NEDD1: variants seen among roughly 807,000 people sequenced by gnomAD.
NEDD1 encodes the protein protein NEDD1.
A neutral mutation model predicts 74.0 loss-of-function variants in NEDD1; 33 were observed. The ratio of observed to expected loss-of-function variants is 0.45; its 90% CI spans 0.34 to 0.60. NEDD1 has a LOEUF of 0.60. Ranked by LOEUF, NEDD1 falls within the 20% of genes least tolerant of loss-of-function variation. NEDD1 has a pLI of 0.01. For missense variants in NEDD1, 746 were observed against 776.5 expected, an observed-to-expected ratio of 0.96 and a Z score of 0.47; for synonymous variants, 250 against 264.4, an observed-to-expected ratio of 0.95 and a Z score of 0.53.
chr12:96,917,537 T>C (rs963078947), intron 4 of NEDD1, 84 bp from the exon 5 acceptor site: 3 of 1,365,538 alleles, frequency 2.2e-6, no homozygotes, highest in African/African-American at 3.0e-5. Flanking sequence ...ATTTATCATA[T>C]GCTTACTAAG....
In NEDD1 at chr12:96,936,725, A is replaced by G. The variant is rs371278745; in HGVS notation, c.834A>G (p.Arg278=). Residue 278 remains arginine, a synonymous_variant, in exon 8 of 16, where the codon AGA becomes AGG. Coordinates refer to ENST00000266742, the MANE Select transcript of NEDD1 (RefSeq NM_152905.4). ...SRGKIYQYDL[R]MLKSPVKTIS... Reference sequence around the variant, plus strand: ...GGAAAATATATCAATATGATTTAAGAATGTTGAAATCACCAGTTAAGACCA... The same window carrying G: ...GGAAAATATATCAATATGATTTAAGGATGTTGAAATCACCAGTTAAGACCA... The G allele has an allele frequency of 4.9e-5, 79 of 1,612,342 alleles. No homozygotes were observed. The African/African-American group carries it at 9.9e-4, about 20-fold the overall frequency.
chr12:96,952,999 G>T lies in NEDD1; in HGVS notation c.*946G>T, dbSNP rs1362950331. ...ATTGGCCTTACCATAAAATTATTTAGAAAGGTTGTCAAAATAAGTTATACC... is the reference window on the plus strand; with the variant it reads ...ATTGGCCTTACCATAAAATTATTTATAAAGGTTGTCAAAATAAGTTATACC... On this transcript the variant is annotated 3_prime_UTR_variant, in exon 16 of 16. Transcript: ENST00000266742. 1 of 151,014 alleles carries T rather than the reference G, an allele frequency of 6.6e-6. No homozygotes were observed. The highest frequency in any genetic ancestry group is 2.4e-5 in the African/African-American group (1 of 41,224). 9.4% of individuals were successfully genotyped at this position (151,014 alleles called of 1,614,324 possible). A position where few individuals can be genotyped will look rare whatever the true frequency, so the allele number is the denominator to read the frequency against.
intron 6 of NEDD1, among the ~76,000 whole-genome samples, chr12:96,923,098 CAG>C (rs911454497): frequency 6.6e-6 from 1 of 151,258 alleles, no homozygotes; most frequent in African/African-American, 2.4e-5. Flanking sequence ...GCCTCAGTGA[CAG>C]AGTGAGACCC....
At chr12:96,942,004 A>G (rs1161832084) in intron 10 of NEDD1, among the ~76,000 whole-genome samples, 1 of 152,066 alleles carries the variant, frequency 6.6e-6, no homozygotes, top group Non-Finnish European at 1.5e-5. Flanking sequence ...TTTTTAATTC[A>G]CCTGTTAAAT....
At chr12:96,920,999 T>G (rs1200295723) in intron 6 of NEDD1, among the ~76,000 whole-genome samples, 1 of 152,074 alleles carries the variant, frequency 6.6e-6, no homozygotes, top group Non-Finnish European at 1.5e-5. Flanking sequence ...TATAAAACAG[T>G]CTTATGGTGA....
At chr12:96,918,168 G>GTT (rs935048588) in intron 5 of NEDD1, among the ~76,000 whole-genome samples, 10 of 145,330 alleles carry the variant, frequency 6.9e-5, no homozygotes, top group Admixed American at 3.4e-4. Flanking sequence ...TCTTGTTTGT[G>GTT]TTTTTTTTTT....
At chr12:96,914,757 T>C (rs984197139) in intron 4 of NEDD1, among the ~76,000 whole-genome samples, 2 of 152,224 alleles carry the variant, frequency 1.3e-5, no homozygotes, top group South Asian at 4.1e-4. Context: ...TAAAGTAGAA[T>C]GTACCTTTGC....
chr12:96,944,451 A>G (rs1877987463), intron 12 of NEDD1, among the ~76,000 whole-genome samples, 188 bp from the exon 13 acceptor site: 1 of 151,218 alleles, frequency 6.6e-6, no homozygotes, highest in Non-Finnish European at 1.5e-5. Context: ...ATTGTTTTTG[A>G]TTAGTAAGTG....
At chr12:96,916,882 G>T (rs1874524039) in intron 4 of NEDD1, among the ~76,000 whole-genome samples, 1 of 152,170 alleles carries the variant, frequency 6.6e-6, no homozygotes, top group African/African-American at 2.4e-5. Flanking sequence ...TCGTAGTTTG[G>T]TAAGGTTTGG....
chr12:96,947,769 G>A (rs1878338079), intron 14 of NEDD1, among the ~76,000 whole-genome samples: 1 of 152,174 alleles, frequency 6.6e-6, no homozygotes, highest in Non-Finnish European at 1.5e-5. Context: ...GGCTTTCTGT[G>A]CCTCAGGAGA....
At chr12:96,911,237 A>C (rs1232991617) in intron 3 of NEDD1, among the ~76,000 whole-genome samples, 1 of 152,212 alleles carries the variant, frequency 6.6e-6, no homozygotes, top group African/African-American at 2.4e-5. Flanking sequence ...TATAAGAGAA[A>C]GGTAGCAATT....
chr12:96,936,887 C>CA lies in NEDD1; in HGVS notation c.921+77dup, dbSNP rs145225409. 2,066 of 871,990 alleles carry CA rather than the reference C, an allele frequency of 2.4e-3. 32 individuals carry two copies. In the African/African-American group the frequency reaches 0.03, roughly 13 times the overall value. 54.0% of individuals were successfully genotyped at this position (871,990 alleles called of 1,614,324 possible). On this transcript the variant is annotated intron_variant, in intron 8 of 15. Coordinates refer to ENST00000266742, the MANE Select transcript of NEDD1 (RefSeq NM_152905.4). ...TCAGAATATGGAAATTATATGTGGT[C>CA]AATTAAACAGTATAGTTTTGTTTCA...
At chr12:96,912,842 A>T in intron 4 of NEDD1, 25 bp downstream of exon 4, 1 of 1,218,204 alleles carries the variant, frequency 8.2e-7, no homozygotes, top group South Asian at 1.3e-5. Context: ...TTTTTTTTAA[A>T]CTTTTAAAAA....
intron 13 of NEDD1, 124 bp from the exon 14 acceptor site, chr12:96,945,569 A>T: frequency 1.7e-6 from 1 of 604,062 alleles, no homozygotes; most frequent in Non-Finnish European, 2.9e-6. Flanking sequence ...AATTTTTCTA[A>T]ATGTCACAGG....
chr12:96,949,207 G>C (rs765965707), intron 14 of NEDD1, among the ~76,000 whole-genome samples: 1 of 152,168 alleles, frequency 6.6e-6, no homozygotes, highest in African/African-American at 2.4e-5. Context: ...GTAGTCTTTC[G>C]TTTGCAAGAT....
At chr12:96,939,663 A>G (rs991694419) in intron 9 of NEDD1, among the ~76,000 whole-genome samples, 4 of 152,076 alleles carry the variant, frequency 2.6e-5, no homozygotes, top group Admixed American at 6.6e-5. Flanking sequence ...TCGTTACTCC[A>G]GTAATGAAAC....
chr12:96,922,053 A>C (rs890592667), intron 6 of NEDD1, among the ~76,000 whole-genome samples: 1 of 152,208 alleles, frequency 6.6e-6, no homozygotes, highest in Non-Finnish European at 1.5e-5. Flanking sequence ...TGTAAGACTG[A>C]ATGTCACACA....
At chr12:96,924,541 A>G (rs1875480876) in intron 6 of NEDD1, among the ~76,000 whole-genome samples, 1 of 152,148 alleles carries the variant, frequency 6.6e-6, no homozygotes, top group Non-Finnish European at 1.5e-5. Context: ...ATTTATTACC[A>G]TGCATTTGAT....
At chr12:96,921,775 A>ATT (rs372584752) in intron 6 of NEDD1, among the ~76,000 whole-genome samples, 117 of 140,750 alleles carry the variant, frequency 8.3e-4, no homozygotes, top group African/African-American at 1.7e-3. Context: ...AGCCTGGCTA[A>ATT]TTTTTTTTTT....
Sources: allele counts gnomAD v4.1 joint callset (sites outside exome capture counted in the v4.1 genomes callset), GRCh38; gene constraint gnomAD v4.1.1; transcripts MANE v1.5; gene names NCBI Gene and HGNC (gene_info 2026-07-23, HGNC 2026-07-21).